Variants in MTHFD2L observed in about 807,000 individuals in gnomAD.
MTHFD2L encodes bifunctional methylenetetrahydrofolate dehydrogenase/cyclohydrolase 2, mitochondrial.
MTHFD2L carries 29 observed loss-of-function variants against 34.9 expected under a neutral mutation model. The observed-to-expected ratio is 0.83, with a 90% CI of 0.62 to 1.13. MTHFD2L has a LOEUF of 1.13. Ranked by LOEUF, MTHFD2L falls within the 50% of genes most tolerant of loss-of-function variation. The probability of loss-of-function intolerance (pLI) is 0.00; values close to 1 mark genes in which losing one functional copy is unlikely to be tolerated. For synonymous variants in MTHFD2L, 167 were observed against 155.7 expected (o/e 1.07, Z -0.54); for missense variants, 481 against 446.5 (o/e 1.08, Z -0.70).
chr4:74,191,642 C>G (rs531715496), intron 3 of MTHFD2L, among the ~76,000 whole-genome samples: 2 of 152,194 alleles, frequency 1.3e-5, no homozygotes, highest in East Asian at 3.9e-4. Context: ...CCTTCGCTTC[C>G]CGGGTTCAAG....
intron 7 of MTHFD2L, among the ~76,000 whole-genome samples, chr4:74,286,474 G>C (rs910780939): frequency 8.5e-5 from 13 of 152,172 alleles, no homozygotes; most frequent in Non-Finnish European, 1.9e-4. Flanking sequence ...AGATAGAAAT[G>C]AGATTATGTG....
At chr4:74,176,489 C>A (rs1729064856) in intron 3 of MTHFD2L, among the ~76,000 whole-genome samples, 1 of 151,924 alleles carries the variant, frequency 6.6e-6, no homozygotes, top group South Asian at 2.1e-4. Context: ...GTCTGTTATC[C>A]ACTTTTGTAA....
At chr4:74,173,439 A>C (rs1164736664) in intron 1 of MTHFD2L, among the ~76,000 whole-genome samples, 1 of 152,188 alleles carries the variant, frequency 6.6e-6, no homozygotes, top group African/African-American at 2.4e-5. Flanking sequence ...GAAGGAACTA[A>C]ACTATCGGTT....
At chr4:74,177,202 G>A (rs1339522972) in intron 3 of MTHFD2L, among the ~76,000 whole-genome samples, 1 of 151,858 alleles carries the variant, frequency 6.6e-6, no homozygotes, top group Non-Finnish European at 1.5e-5. Context: ...TTATATCATA[G>A]GAAAATGAGA....
At chr4:74,225,473 G>C in intron 6 of MTHFD2L, 79 bp downstream of exon 6, 1 of 1,184,708 alleles carries the variant, frequency 8.4e-7, no homozygotes, top group Non-Finnish European at 1.2e-6. Flanking sequence ...ATGTTTGAAA[G>C]CTTTTTGAGA....
intron 3 of MTHFD2L, among the ~76,000 whole-genome samples, chr4:74,197,273 T>A (rs1198378314): frequency 1.3e-5 from 2 of 152,204 alleles, no homozygotes; most frequent in Non-Finnish European, 2.9e-5. Flanking sequence ...TTTTTTCTGT[T>A]CAAGTTATGT....
intron 3 of MTHFD2L, among the ~76,000 whole-genome samples, chr4:74,187,421 CAGAG>C (rs761044590): frequency 1.5e-4 from 23 of 152,080 alleles, no homozygotes; most frequent in South Asian, 4.1e-4. Context: ...AAAATAATGA[CAGAG>C]AGAATAGCAA....
chr4:74,283,119 C>A (rs760430656), intron 7 of MTHFD2L, among the ~76,000 whole-genome samples: 1 of 152,122 alleles, frequency 6.6e-6, no homozygotes, highest in Non-Finnish European at 1.5e-5. Context: ...ATGAGATAAC[C>A]AGCTTGAGGC....
At chr4:74,189,485 C>CTTTTTTTTTTTT (rs55665552) in intron 3 of MTHFD2L, among the ~76,000 whole-genome samples, 2 of 119,820 alleles carry the variant, frequency 1.7e-5, no homozygotes, top group African/African-American at 8.1e-5. Context: ...GTTTTTCTTC[C>CTTTTTTTTTTTT]TTTTTTTTTT....
intron 1 of MTHFD2L, among the ~76,000 whole-genome samples, chr4:74,141,879 T>C (rs1433592006): frequency 6.6e-6 from 1 of 152,178 alleles, no homozygotes; most frequent in African/African-American, 2.4e-5. Flanking sequence ...TATAGCTTAA[T>C]TAGGAAAGCA....
At chr4:74,119,394 AATC>A (rs1400212010), upstream of MTHFD2L, among the ~76,000 whole-genome samples, 1 of 152,242 alleles carries the variant, frequency 6.6e-6, no homozygotes, top group Non-Finnish European at 1.5e-5. Context: ...GAATAAAAAC[AATC>A]ATCACTGGAG....
At chr4:74,209,260 G>GTA (rs1441238998) in intron 5 of MTHFD2L, among the ~76,000 whole-genome samples, 2 of 152,098 alleles carry the variant, frequency 1.3e-5, no homozygotes, top group Non-Finnish European at 2.9e-5. Context: ...TGTTACATAG[G>GTA]TATACATGGG....
At chr4:74,268,759 T>C (rs1025048470) in intron 6 of MTHFD2L, among the ~76,000 whole-genome samples, 1 of 152,150 alleles carries the variant, frequency 6.6e-6, no homozygotes, top group African/African-American at 2.4e-5. Context: ...AATACACATA[T>C]GAAAATATCC....
intron 5 of MTHFD2L, among the ~76,000 whole-genome samples, chr4:74,219,734 C>T (rs1421713938): frequency 6.6e-6 from 1 of 152,128 alleles, no homozygotes; most frequent in East Asian, 1.9e-4. Flanking sequence ...CACCTCTCTT[C>T]AACATCAGGT....
chr4:74,272,531 CTTTT>C (rs1283435450), intron 6 of MTHFD2L, among the ~76,000 whole-genome samples: 1 of 151,864 alleles, frequency 6.6e-6, no homozygotes. Flanking sequence ...AATATATTAA[CTTTT>C]TTGTCAGTGT....
intron 7 of MTHFD2L, among the ~76,000 whole-genome samples, chr4:74,291,135 A>C (rs537589877): frequency 3.4e-5 from 5 of 145,112 alleles, no homozygotes; most frequent in African/African-American, 1.3e-4. Context: ...CTCCTGCCTC[A>C]GCCTTCTGAG....
chr4:74,301,529 G>C (rs1444086459), intron 7 of MTHFD2L, among the ~76,000 whole-genome samples, 168 bp from the exon 8 acceptor site: 1 of 148,468 alleles, frequency 6.7e-6, no homozygotes, highest in Non-Finnish European at 1.5e-5. Context: ...AAGTGAGTGT[G>C]AGCGTGTGTG....
Position 74,199,945 on chromosome 4 carries a change from A to AGGTT in MTHFD2L, c.604+3_604+6dup, listed in dbSNP as rs1223959096. ...CTGTTTGGGAAATAATAAAAAGAAC[A>AGGTT]GGTTGGTAATTTGTGGTCTGCAGGA... On this transcript the variant is annotated frameshift_variant and splice_region_variant, in exon 4 of 8. Coordinates refer to ENST00000325278, the MANE Select transcript of MTHFD2L (RefSeq NM_001144978.3). LOFTEE classifies it high-confidence loss of function. 2 of 1,613,782 alleles carry AGGTT rather than the reference A, an allele frequency of 1.2e-6. No individual in the cohort carries two copies. Among genetic ancestry groups the AGGTT allele is most frequent in the African/African-American group, 2.7e-5 (2 of 74,908 alleles).
At position 74,291,003 on chromosome 4, in the gene MTHFD2L, C is replaced by CTTTTTTTTTTTTTTTTTTTT. The variant is rs10585551; in HGVS notation, c.931+9466_931+9485dup. On this transcript the variant is annotated intron_variant, in intron 7 of 7. Transcript: ENST00000325278. ...CTGTCTTACATTTATTTTTCCTTTT[C>CTTTTTTTTTTTTTTTTTTTT]TTTTTTTTTTTTTTTTTTTTTTTTT... is the stretch of plus-strand genomic sequence containing the variant. 2.6e-3 allele frequency among the ~76,000 whole-genome samples: 75 copies of CTTTTTTTTTTTTTTTTTTTT among 29,278 alleles called. 22 individuals carry two copies. The highest frequency in any genetic ancestry group is 5.8e-3 in the South Asian group (2 of 346). 19.2% of individuals were successfully genotyped at this position (29,278 alleles called of 152,430 possible).
Sources: allele counts gnomAD v4.1 joint callset (sites outside exome capture counted in the v4.1 genomes callset), GRCh38; gene constraint gnomAD v4.1.1; transcripts MANE v1.5; gene names NCBI Gene and HGNC (gene_info 2026-07-23, HGNC 2026-07-21).